Variants in RPS6KC1 observed in about 807,000 individuals in gnomAD.
RPS6KC1 encodes inactive ribosomal protein S6 kinase delta-1.
A neutral mutation model predicts 103.8 loss-of-function variants in RPS6KC1; 54 were observed. The observed-to-expected ratio is 0.52, with a 90% CI of 0.42 to 0.65. The LOEUF (loss-of-function observed/expected upper bound fraction) is 0.65, where lower values mean the gene tolerates loss of function less well. Among genes scored for constraint, RPS6KC1 ranks in the 30% least tolerant of loss-of-function variants. RPS6KC1 has a pLI of 0.00. For missense variants in RPS6KC1, 1,151 were observed against 1,253.8 expected (o/e 0.92, Z 1.24); for synonymous variants, 439 against 438.7 (o/e 1.00, Z -0.01).
intron 8 of RPS6KC1, among the ~76,000 whole-genome samples, chr1:213,205,967 G>A (rs911692953): frequency 2.6e-5 from 4 of 152,106 alleles, no homozygotes; most frequent in African/African-American, 9.7e-5. Flanking sequence ...TGAACATCAT[G>A]TTGGTGCTCA....
the RPS6KC1 span, among the ~76,000 whole-genome samples, chr1:213,367,019 G>T: frequency 6.6e-6 from 1 of 152,200 alleles, no homozygotes; most frequent in African/African-American, 2.4e-5. Context: ...CTAAACATCA[G>T]CAGTTCCTTG....
the RPS6KC1 span, among the ~76,000 whole-genome samples, chr1:213,765,441 C>G: frequency 1.3e-5 from 2 of 152,148 alleles, no homozygotes. Context: ...TAGGGCATTG[C>G]CAGCTCTTCT....
intron 8 of RPS6KC1, among the ~76,000 whole-genome samples, chr1:213,222,338 T>C (rs1039499671): frequency 3.9e-5 from 6 of 152,204 alleles, no homozygotes; most frequent in Non-Finnish European, 8.8e-5. Flanking sequence ...TGAAAATATC[T>C]TGTAGACTAG....
At chr1:213,445,718 C>T in the RPS6KC1 span, among the ~76,000 whole-genome samples, 1 of 152,164 alleles carries the variant, frequency 6.6e-6, no homozygotes, top group Non-Finnish European at 1.5e-5. Flanking sequence ...GAAGCCACAC[C>T]CTCGTTATTG....
the RPS6KC1 span, among the ~76,000 whole-genome samples, chr1:213,629,443 T>G: frequency 6.6e-6 from 1 of 152,308 alleles, no homozygotes; most frequent in Non-Finnish European, 1.5e-5. Context: ...TTGGTAGATC[T>G]TCCTCCATCC....
chr1:213,594,969 A>G, the RPS6KC1 span, among the ~76,000 whole-genome samples: 1 of 152,130 alleles, frequency 6.6e-6, no homozygotes, highest in Non-Finnish European at 1.5e-5. Context: ...GGGGGTTGGG[A>G]GAGAGGTGGG....
the RPS6KC1 span, among the ~76,000 whole-genome samples, chr1:213,680,702 G>A: frequency 6.6e-6 from 1 of 152,124 alleles, no homozygotes; most frequent in Non-Finnish European, 1.5e-5. Flanking sequence ...AGAGATTTTG[G>A]ACTGAATATA....
the RPS6KC1 span, among the ~76,000 whole-genome samples, chr1:213,422,881 A>C: frequency 1.3e-5 from 2 of 152,236 alleles, no homozygotes; most frequent in African/African-American, 4.8e-5. Flanking sequence ...CAGAAGTACC[A>C]ATAGGTTGAT....
the RPS6KC1 span, among the ~76,000 whole-genome samples, chr1:213,578,536 C>T: frequency 6.6e-6 from 1 of 152,192 alleles, no homozygotes; most frequent in Non-Finnish European, 1.5e-5. Flanking sequence ...CCTGAAAAGC[C>T]ATAGGGGCAG....
chr1:213,799,770 C>G, the RPS6KC1 span, among the ~76,000 whole-genome samples: 2 of 152,192 alleles, frequency 1.3e-5, no homozygotes, highest in East Asian at 3.9e-4. Context: ...CCATGATGGA[C>G]ACAGTGAGAG....
chr1:213,246,420 T>C (rs2094455285), intron 12 of RPS6KC1, among the ~76,000 whole-genome samples: 1 of 152,180 alleles, frequency 6.6e-6, no homozygotes, highest in Non-Finnish European at 1.5e-5. Context: ...TTTATTAGGA[T>C]ACTTTTACAC....
the RPS6KC1 span, among the ~76,000 whole-genome samples, chr1:213,394,845 A>AT: frequency 2.6e-5 from 4 of 152,142 alleles, no homozygotes; most frequent in Non-Finnish European, 5.9e-5. Flanking sequence ...AGGAAGAGGG[A>AT]TTTTCCCTGC....
chr1:213,071,826 A>G (rs1197872115), intron 2 of RPS6KC1, among the ~76,000 whole-genome samples: 1 of 152,110 alleles, frequency 6.6e-6, no homozygotes, highest in Non-Finnish European at 1.5e-5. Context: ...TTAAACTTTA[A>G]GTTAGTAAGT....
chr1:213,707,516 T>C, the RPS6KC1 span, among the ~76,000 whole-genome samples: 3 of 152,202 alleles, frequency 2.0e-5, no homozygotes, highest in Middle Eastern at 3.2e-3. Flanking sequence ...ACTCAGATGA[T>C]AGTTTCTATT....
chr1:213,531,026 C>T, the RPS6KC1 span, among the ~76,000 whole-genome samples: 5 of 152,064 alleles, frequency 3.3e-5, no homozygotes, highest in South Asian at 1.0e-3. Context: ...TTTGAAGCAG[C>T]TGTTATGGAG....
At chr1:213,455,591 A>G in the RPS6KC1 span, among the ~76,000 whole-genome samples, 2 of 152,134 alleles carry the variant, frequency 1.3e-5, no homozygotes, top group African/African-American at 4.8e-5. Context: ...TATAAAATTG[A>G]GATGTCCTTC....
At chr1:213,222,558 T>C (rs912555569) in intron 8 of RPS6KC1, among the ~76,000 whole-genome samples, 1 of 151,974 alleles carries the variant, frequency 6.6e-6, no homozygotes, top group Non-Finnish European at 1.5e-5. Context: ...TGCTGGGCAA[T>C]GGTACAGGGA....
chr1:213,700,939 TC>T, the RPS6KC1 span, among the ~76,000 whole-genome samples: 2 of 152,064 alleles, frequency 1.3e-5, no homozygotes, highest in African/African-American at 4.8e-5. Flanking sequence ...GTTTATAAGT[TC>T]TAATAGTTTT....
the RPS6KC1 span, among the ~76,000 whole-genome samples, chr1:213,611,905 T>G: frequency 6.6e-6 from 1 of 152,200 alleles, no homozygotes; most frequent in Non-Finnish European, 1.5e-5. Context: ...AGAGCCTCCT[T>G]CCTGGAGAAA....
Sources: allele counts gnomAD v4.1 joint callset (sites outside exome capture counted in the v4.1 genomes callset), GRCh38; gene constraint gnomAD v4.1.1; transcripts MANE v1.5; gene names NCBI Gene and HGNC (gene_info 2026-07-23, HGNC 2026-07-21).